SARDH: variants seen among roughly 807,000 people sequenced by gnomAD.
SARDH encodes sarcosine dehydrogenase.
Under a neutral mutation model 109.1 loss-of-function variants are expected in SARDH, and 95 were observed. That is an observed-to-expected ratio of 0.87 (90% confidence interval 0.74 to 1.03). The LOEUF is 1.03. Ranked by LOEUF, SARDH falls within the 50% of genes least tolerant of loss-of-function variation. SARDH has a pLI of 0.00. For missense variants in SARDH, 1,267 were observed against 1,287.8 expected, an observed-to-expected ratio of 0.98 and a Z score of 0.25; for synonymous variants, 572 against 534.8, an observed-to-expected ratio of 1.07 and a Z score of -0.96.
intron 13 of SARDH, among the ~76,000 whole-genome samples, chr9:133,700,937 A>G (rs2131409428): frequency 6.6e-6 from 1 of 152,292 alleles, no homozygotes; most frequent in Middle Eastern, 3.4e-3. Flanking sequence ...TCATGACAGC[A>G]ACAACCACAG....
chr9:133,725,854 T>C (rs1266988128), intron 6 of SARDH, among the ~76,000 whole-genome samples: 1 of 152,080 alleles, frequency 6.6e-6, no homozygotes, highest in Non-Finnish European at 1.5e-5. Context: ...TCTCAATCCC[T>C]CTGTCACCTG....
chr9:133,736,252 C>A (rs1039731723), intron 1 of SARDH, among the ~76,000 whole-genome samples: 2 of 152,238 alleles, frequency 1.3e-5, no homozygotes. Flanking sequence ...AGCAGCCCCC[C>A]GCCTGGAATC....
intron 11 of SARDH, among the ~76,000 whole-genome samples, chr9:133,707,777 C>G (rs1831747701): frequency 6.6e-6 from 1 of 152,114 alleles, no homozygotes; most frequent in Non-Finnish European, 1.5e-5. Flanking sequence ...TTTGGGGGAC[C>G]AGGGGAGGGC....
At chr9:133,738,221 C>T (rs1832948120) in intron 1 of SARDH, 33 bp downstream of exon 1, 1 of 152,540 alleles carries the variant, frequency 6.6e-6, no homozygotes, top group African/African-American at 2.4e-5. Context: ...AGGCCCCAGC[C>T]TCGTCCCTCC....
Position 133,734,976 on chromosome 9 carries a change from G to A in SARDH, c.-30-773C>T, listed in dbSNP as rs187979858. ...GGAGGCAGGAGTGCCCAGAGAAGGC[G>A]GTGGTAGTGGCACAGCAGGGCAGGG... On this transcript the variant is annotated intron_variant, in intron 1 of 20. Coordinates refer to ENST00000439388, the MANE Select transcript of SARDH (RefSeq NM_001134707.2). Among the ~76,000 whole-genome samples, 771 of 152,326 alleles carry A rather than the reference G, an allele frequency of 5.1e-3. 4 individuals are homozygous for A. The highest frequency in any genetic ancestry group is 8.9e-3 in the Non-Finnish European group (608 of 68,004).
chr9:133,727,077 G>C (rs145864825), intron 6 of SARDH, among the ~76,000 whole-genome samples: 1 of 152,100 alleles, frequency 6.6e-6, no homozygotes, highest in East Asian at 1.9e-4. Context: ...TGGAGCAGCC[G>C]CTCCTTGCCA....
At chr9:133,675,097 A>T (rs577369249) in intron 17 of SARDH, among the ~76,000 whole-genome samples, 24 of 152,314 alleles carry the variant, frequency 1.6e-4, no homozygotes, top group Admixed American at 3.9e-4. Flanking sequence ...TAATCCCAGC[A>T]CTTTGGGAGA....
At chr9:133,680,741 ACGCAGACC>A in intron 17 of SARDH, among the ~76,000 whole-genome samples, 1 of 149,032 alleles carries the variant, frequency 6.7e-6, no homozygotes, top group South Asian at 2.1e-4. Context: ...CTCCAGACAC[ACGCAGACC>A]TGGCCGCCAG....
chr9:133,699,591 T>G (rs1462097893), intron 13 of SARDH, among the ~76,000 whole-genome samples: 1 of 152,144 alleles, frequency 6.6e-6, no homozygotes, highest in Non-Finnish European at 1.5e-5. Context: ...CCACAGAATA[T>G]ATGCAAGTGG....
intron 4 of SARDH, among the ~76,000 whole-genome samples, chr9:133,730,729 G>A (rs1832651868): frequency 6.6e-6 from 1 of 151,976 alleles, no homozygotes; most frequent in Admixed American, 6.6e-5. Context: ...TGTAATCCCA[G>A]GACTTTGGGA....
intron 16 of SARDH, among the ~76,000 whole-genome samples, chr9:133,688,422 C>G (rs1830966315): frequency 6.6e-6 from 1 of 151,996 alleles, no homozygotes; most frequent in Non-Finnish European, 1.5e-5. Context: ...AACGCCAAAC[C>G]CTCGCCCGTG....
rs1246966948 is a variant in SARDH, at chr9:133,694,246, G to A, written c.1921+12C>T. The A allele has an allele frequency of 2.0e-6, 3 of 1,533,952 alleles. No individual in the cohort carries two copies. Among genetic ancestry groups the A allele is most frequent in the Non-Finnish European group, 2.6e-6 (3 of 1,132,630 alleles). On this transcript the variant is annotated intron_variant, in intron 15 of 20. Coordinates refer to ENST00000439388, the MANE Select transcript of SARDH (RefSeq NM_001134707.2). ...GCAGTCACAGCGCCGTGTGCACAGA[G>A]GCATCCCATACCTTCAAAGGCGGGG...
chr9:133,711,163 T>G (rs1588434306), intron 10 of SARDH, among the ~76,000 whole-genome samples: 1 of 152,354 alleles, frequency 6.6e-6, no homozygotes, highest in Middle Eastern at 3.4e-3. Flanking sequence ...ACATCCTGTC[T>G]GCTGAGTGCG....
chr9:133,707,130 C>G (rs1367577367), intron 11 of SARDH, among the ~76,000 whole-genome samples: 1 of 152,280 alleles, frequency 6.6e-6, no homozygotes, highest in African/African-American at 2.4e-5. Context: ...TGTCAAGTGT[C>G]GCAAGAAGGC....
intron 15 of SARDH, 109 bp downstream of exon 15, chr9:133,694,149 G>T (rs1831198982): frequency 3.8e-6 from 3 of 783,120 alleles, no homozygotes; most frequent in South Asian, 1.8e-5. Context: ...AACAGCTAAT[G>T]ACAGAGCTGC....
Position 133,704,262 on chromosome 9 carries a change from G to A in SARDH, c.1554+686C>T, listed in dbSNP as rs536667465. On this transcript the variant is annotated intron_variant, in intron 12 of 20. Transcript: ENST00000439388. This position sits in a 1 kb window ranked among gnomAD's most constrained non-coding sequence, Gnocchi z 4.5. ...GTTGCCATGGGGATGGAAGGTGGGT[G>A]CACCAGAGGGGACTGGTGAGACGCA... 4.6e-5 allele frequency among the ~76,000 whole-genome samples: 7 copies of A among 152,304 alleles called. No homozygotes were observed. The East Asian group carries it at 1.2e-3, about 25-fold the overall frequency.
chr9:133,717,507 A>G (rs760256850), intron 7 of SARDH, 52 bp from the exon 8 acceptor site: 1 of 1,606,624 alleles, frequency 6.2e-7, no homozygotes, highest in Non-Finnish European at 8.5e-7. Context: ...AAGGCCATGC[A>G]TCCCCATGCC....
Position 133,692,614 on chromosome 9 carries a change from CAT to C in SARDH, c.1921+1642_1921+1643del, listed in dbSNP as rs1831139733. 6.6e-6 allele frequency among the ~76,000 whole-genome samples: 1 copy of C among 152,180 alleles called. No individual in the cohort carries two copies. Among genetic ancestry groups the C allele is most frequent in the Non-Finnish European group, 1.5e-5 (1 of 68,028 alleles). The stretch of plus-strand genomic sequence containing the variant: ...CACCTCGCTCTTTCCCATCCCCTTG[CAT>C]GTCCCCCTCCAGGTGTTACGGGGCC... On this transcript the variant is annotated intron_variant, in intron 15 of 20. Transcript: ENST00000439388. This position sits in a 1 kb window ranked among gnomAD's most constrained non-coding sequence, Gnocchi z 5.0.
chr9:133,663,053 G>A (rs999433466), downstream of SARDH, among the ~76,000 whole-genome samples: 9 of 152,238 alleles, frequency 5.9e-5, no homozygotes, highest in African/African-American at 1.9e-4. Context: ...AGACAAGGAG[G>A]AGGGCATGGG....
Sources: gnomAD v4.1 joint callset for allele counts (sites outside exome capture counted in the v4.1 genomes callset) on GRCh38, gnomAD v4.1.1 for gene constraint, Gnocchi (gnomAD v3.1) non-coding constraint, MANE v1.5 for transcripts, NCBI Gene and HGNC (gene_info 2026-07-23, HGNC 2026-07-21) for gene names.